The following ABCC9 variants were observed in gnomAD, a reference collection of about 807,000 sequenced individuals.
The protein encoded by ABCC9 is ATP binding cassette subfamily C member 9, also known as ATP-binding cassette sub-family C member 9.
A neutral mutation model predicts 188.3 loss-of-function variants in ABCC9; 95 were observed. That is an observed-to-expected ratio of 0.50 (90% CI 0.43 to 0.60). The LOEUF (loss-of-function observed/expected upper bound fraction) is 0.60. ABCC9 is among the 20% of genes least tolerant of loss of function. The pLI, the probability that ABCC9 is intolerant of heterozygous loss-of-function variation, is 0.00. For missense variants in ABCC9, 1,102 were observed against 1,876.3 expected (o/e 0.59, Z 7.62); for synonymous variants, 659 against 652.7 (o/e 1.01, Z -0.15).
At chr12:21,892,465 C>T (rs1335123703) in intron 14 of ABCC9, among the ~76,000 whole-genome samples, 1 of 152,154 alleles carries the variant, frequency 6.6e-6, no homozygotes, top group Non-Finnish European at 1.5e-5. Flanking sequence ...AGACTCTGGC[C>T]ATTTATCAAT....
chr12:21,878,964 T>C (rs1946500264), intron 16 of ABCC9, among the ~76,000 whole-genome samples: 1 of 152,080 alleles, frequency 6.6e-6, no homozygotes, highest in Non-Finnish European at 1.5e-5. Flanking sequence ...TCAGCTAATA[T>C]ATAAATCAGT....
chr12:21,815,161 T>A (rs1591960219), intron 34 of ABCC9, among the ~76,000 whole-genome samples: 1 of 152,024 alleles, frequency 6.6e-6, no homozygotes, highest in Non-Finnish European at 1.5e-5. Context: ...CCACCCTTGG[T>A]GAAAGAACAA....
intron 16 of ABCC9, among the ~76,000 whole-genome samples, chr12:21,880,639 G>GA (rs917030793): frequency 2.6e-5 from 4 of 151,980 alleles, no homozygotes; most frequent in Non-Finnish European, 5.9e-5. Context: ...TTTGTAATCA[G>GA]AAAAATGCAA....
rs776204392 is a variant in ABCC9, at chr12:21,818,148, A to C, written c.3771+2T>G. ...TCCTGTAATATTTTTATCCATACCT[A>C]CCGTAAGTGCATACAGAAGACCCAA... On this transcript the variant is annotated splice_donor_variant, in intron 32 of 39. Coordinates refer to ENST00000261200, the MANE Select transcript of ABCC9 (RefSeq NM_020297.4). LOFTEE classifies it high-confidence loss of function. The C allele has an allele frequency of 6.2e-7, 1 of 1,600,734 alleles. No homozygotes were observed. The highest frequency in any genetic ancestry group is 8.6e-7 in the Non-Finnish European group (1 of 1,168,088).
At chr12:21,908,862 T>G (rs1328982691) in intron 10 of ABCC9, among the ~76,000 whole-genome samples, 1 of 151,968 alleles carries the variant, frequency 6.6e-6, no homozygotes, top group Non-Finnish European at 1.5e-5. Context: ...ACCTGTCCTC[T>G]CTGGTTTGCC....
At chr12:21,838,930 G>T (rs931020126) in intron 29 of ABCC9, among the ~76,000 whole-genome samples, 1 of 152,170 alleles carries the variant, frequency 6.6e-6, no homozygotes, top group Admixed American at 6.5e-5. Flanking sequence ...GGAGGCTGAG[G>T]CAGGAGAATC....
chr12:21,870,431 A>T (rs1341479625), intron 18 of ABCC9, among the ~76,000 whole-genome samples: 1 of 151,730 alleles, frequency 6.6e-6, no homozygotes, highest in Non-Finnish European at 1.5e-5. Context: ...TTATTTTTAA[A>T]TTTTTTTGTA....
In ABCC9 at chr12:21,907,835, T is replaced by C. The variant is rs370274674; in HGVS notation, c.1455+242A>G. 9.2e-5 allele frequency among the ~76,000 whole-genome samples: 14 copies of C among 152,186 alleles called. No homozygotes were observed. In the East Asian group the frequency reaches 2.3e-3, roughly 25 times the overall value. On this transcript the variant is annotated intron_variant, in intron 11 of 39. Coordinates refer to ENST00000261200, the MANE Select transcript of ABCC9 (RefSeq NM_020297.4). ...TGAAAGCCTTATCACCTCATGGTAC[T>C]TTAAAACATGGGGAACGGTGATTCT...
At chr12:21,830,520 AAGT>A (rs1156344405) in intron 30 of ABCC9, among the ~76,000 whole-genome samples, 29 of 152,302 alleles carry the variant, frequency 1.9e-4, no homozygotes, top group African/African-American at 6.5e-4. Flanking sequence ...CCCAATTTTT[AAGT>A]AAAATTGTAA....
chr12:21,913,182 T>TA, intron 7 of ABCC9, 116 bp from the exon 8 acceptor site: 1 of 896,732 alleles, frequency 1.1e-6, no homozygotes, highest in Non-Finnish European at 1.7e-6. Flanking sequence ...TTTAAGGGTT[T>TA]AAAAATTGAT....
intron 30 of ABCC9, among the ~76,000 whole-genome samples, 178 bp from the exon 31 acceptor site, chr12:21,829,238 GT>G (rs1457249415): frequency 9.2e-6 from 1 of 108,540 alleles, no homozygotes; most frequent in African/African-American, 3.5e-5. Context: ...GTCTCGCTCT[GT>G]TGCCCAGGCT....
intron 5 of ABCC9, among the ~76,000 whole-genome samples, chr12:21,917,612 A>G (rs976654432): frequency 1.3e-5 from 2 of 152,188 alleles, no homozygotes; most frequent in Non-Finnish European, 2.9e-5. Context: ...TCAAGTAGTA[A>G]GTGACTTTCC....
chr12:21,899,751 C>T (rs1040873706), intron 12 of ABCC9, among the ~76,000 whole-genome samples: 13 of 152,208 alleles, frequency 8.5e-5, no homozygotes, highest in African/African-American at 2.2e-4. Flanking sequence ...AAGGTGGCAG[C>T]GAGGCTGGGG....
chr12:21,915,866 T>G lies in ABCC9; in HGVS notation c.618A>C (p.Glu206Asp). 1 of 1,613,500 alleles carries G rather than the reference T, an allele frequency of 6.2e-7. No homozygotes were observed. The highest frequency in any genetic ancestry group is 8.5e-7 in the Non-Finnish European group (1 of 1,179,696). Residue 206 changes from glutamate to aspartate, a missense_variant, in exon 7 of 40, where the codon GAA (glutamate) becomes GAC (aspartate). Physicochemically the swap from Glu to Asp is conservative, Grantham distance 45 (BLOSUM62 2). Transcript: ENST00000261200. ...FMNPQKVKPP[E>D]DLQDLGVRFL... ...ATCTCACTCCCAGATCCTGGAGGTC[T>G]TCAGGAGGCTTTACTTTCTGAGGAT...
intron 38 of ABCC9, 51 bp from the exon 39 acceptor site, chr12:21,806,111 A>C: frequency 6.5e-7 from 1 of 1,533,604 alleles, no homozygotes; most frequent in Non-Finnish European, 9.0e-7. Flanking sequence ...TGTCATCATA[A>C]TATTTTGCCC....
chr12:21,815,985 A>G, intron 33 of ABCC9, 92 bp from the exon 34 acceptor site: 1 of 693,890 alleles, frequency 1.4e-6, no homozygotes, highest in South Asian at 2.9e-5. Flanking sequence ...ATTTATACAT[A>G]TATATATATT....
chr12:21,864,981 A>G (rs1945709604), intron 18 of ABCC9, among the ~76,000 whole-genome samples: 1 of 152,192 alleles, frequency 6.6e-6, no homozygotes, highest in Non-Finnish European at 1.5e-5. Flanking sequence ...TAAGAAAAAC[A>G]GACATGCACC....
At position 21,825,836 on chromosome 12, in the gene ABCC9, G is replaced by A. The variant is rs549846705; in HGVS notation, c.3669+3122C>T. 3.9e-5 allele frequency among the ~76,000 whole-genome samples: 6 copies of A among 152,120 alleles called. No homozygotes were observed. The South Asian group carries it at 6.3e-4, about 16-fold the overall frequency. ...AAAAATTGGATGAGGTTCGGAGAAC[G>A]TCCCAAATTCAACAAAAGGCGTTTC... On this transcript the variant is annotated intron_variant, in intron 31 of 39. Coordinates refer to ENST00000261200, the MANE Select transcript of ABCC9 (RefSeq NM_020297.4).
At chr12:21,905,458 A>T (rs771857134) in intron 12 of ABCC9, among the ~76,000 whole-genome samples, 2 of 152,074 alleles carry the variant, frequency 1.3e-5, no homozygotes, top group Non-Finnish European at 2.9e-5. Context: ...TGACATTTTT[A>T]GCGATTGAGA....
Sources: allele counts gnomAD v4.1 joint callset (sites outside exome capture counted in the v4.1 genomes callset), GRCh38; gene constraint gnomAD v4.1.1; transcripts MANE v1.5; gene names NCBI Gene and HGNC (gene_info 2026-07-23, HGNC 2026-07-21).